Variants in C16orf96 observed in about 807,000 individuals in gnomAD.
The protein encoded by C16orf96 is chromosome 16 open reading frame 96.
A neutral mutation model predicts 103.6 loss-of-function variants in C16orf96; 108 were observed. The ratio of observed to expected loss-of-function variants is 1.04; its 90% CI spans 0.89 to 1.22. The LOEUF (loss-of-function observed/expected upper bound fraction) is 1.22, where lower values mean the gene tolerates loss of function less well. Among genes scored for constraint, C16orf96 ranks in the 50% most tolerant of loss-of-function variants. The probability of loss-of-function intolerance (pLI) is 0.00; values close to 1 mark genes in which losing one functional copy is unlikely to be tolerated. For synonymous variants in C16orf96, 566 were observed against 593.5 expected, an observed-to-expected ratio of 0.95 and a Z score of 0.67; for missense variants, 1,586 against 1,464.2, an observed-to-expected ratio of 1.08 and a Z score of -1.36.
intron 8 of C16orf96, 118 bp downstream of exon 8, chr16:4,587,231 AAC>A: frequency 9.9e-7 from 1 of 1,010,326 alleles, no homozygotes; most frequent in Non-Finnish European, 1.5e-6. Context: ...TTCATATTGA[AAC>A]CAGGAGTTGG....
chr16:4,556,536 C>T lies in C16orf96; in HGVS notation c.47C>T (p.Pro16Leu), dbSNP rs1370339051. Residue 16 changes from proline (P) to leucine (L), a missense_variant, in exon 1 of 16, where the codon CCA becomes CTA. Physicochemically the swap from Pro to Leu is moderately conservative, Grantham distance 98 (BLOSUM62 -3). Transcript: ENST00000444310. The part of the protein sequence containing the change: ...TFTELANIAI[P>L]QCGVLNFKAL... ...ACCGAGCTGGCCAACATCGCCATCC[C>T]ACAGTGCGGGGTGCTGAACTTCAAG... The T allele has an allele frequency of 1.9e-6, 3 of 1,544,836 alleles. No individual in the cohort carries two copies. In the South Asian group the frequency reaches 3.6e-5, roughly 18 times the overall value.
At chr16:4,596,597 G>A (rs1016518386) in intron 14 of C16orf96, among the ~76,000 whole-genome samples, 2 of 151,940 alleles carry the variant, frequency 1.3e-5, no homozygotes, top group Non-Finnish European at 2.9e-5. Context: ...CAGGAGGATC[G>A]CTTGAGCCCG....
chr16:4,546,438 G>T, the C16orf96 span, among the ~76,000 whole-genome samples: 1 of 150,650 alleles, frequency 6.6e-6, no homozygotes, highest in East Asian at 2.0e-4. Context: ...GATTACAGGC[G>T]GGAGCCACCG....
chr16:4,594,243 T>A (rs1897120696), intron 12 of C16orf96, 108 bp from the exon 13 acceptor site: 1 of 1,315,096 alleles, frequency 7.6e-7, no homozygotes, highest in Non-Finnish European at 1.0e-6. Context: ...AAACACAAGC[T>A]GAAAGAAATG....
At chr16:4,582,687 A>C (rs1487984213) in intron 7 of C16orf96, among the ~76,000 whole-genome samples, 1 of 152,100 alleles carries the variant, frequency 6.6e-6, no homozygotes, top group South Asian at 2.1e-4. Context: ...CCAGGCCACC[A>C]TGTCCTGGGG....
chr16:4,586,875 C>G (rs1047311920), intron 7 of C16orf96, among the ~76,000 whole-genome samples, 164 bp from the exon 8 acceptor site: 2 of 152,202 alleles, frequency 1.3e-5, no homozygotes, highest in Non-Finnish European at 2.9e-5. Context: ...ATCTGGGCAC[C>G]TGGAGCCCTT....
In C16orf96 at chr16:4,556,828, C is replaced by T; in HGVS notation, c.339C>T (p.Gly113=). 6.4e-7 allele frequency: 1 copy of T among 1,551,668 alleles called. No individual in the cohort carries two copies. Residue 113 remains glycine, a synonymous_variant, in exon 1 of 16, where the codon GGC becomes GGT. Transcript: ENST00000444310. ...STAQLLEASQ[G]TARPVQDLWH... ...CCCAGCTGCTGGAAGCCAGCCAGGG[C>T]ACTGCCCGGCCCGTCCAGGACCTGT... is the stretch of plus-strand genomic sequence containing the variant.
At chr16:4,590,142 G>T (rs1256519922) in intron 9 of C16orf96, among the ~76,000 whole-genome samples, 2 of 151,336 alleles carry the variant, frequency 1.3e-5, no homozygotes, top group Non-Finnish European at 2.9e-5. Context: ...ATACTCCCTC[G>T]GGTGGCACAG....
In C16orf96 at chr16:4,576,151, C is replaced by G; in HGVS notation, c.1671C>G (p.Pro557=). The change falls in exon 5 of 16, where the codon CCC becomes CCG. Residue 557 remains proline, a synonymous_variant. Transcript: ENST00000444310. ...GAPKEAQPKA[P]QSALHRLKTT... ...CCAAGGAAGCACAGCCTAAGGCTCC[C>G]CAGTCTGCCCTTCACCGGCTGAAAA... The G allele has an allele frequency of 6.4e-7, 1 of 1,551,312 alleles. No homozygotes were observed. Among genetic ancestry groups the G allele is most frequent in the Non-Finnish European group, 8.7e-7 (1 of 1,146,982 alleles).
chr16:4,546,011 G>A, the C16orf96 span, among the ~76,000 whole-genome samples: 23 of 149,168 alleles, frequency 1.5e-4, no homozygotes, highest in South Asian at 8.5e-4. Context: ...CACCATGCCC[G>A]GCTAATTTTT....
At chr16:4,568,531 C>T (rs957463548) in intron 1 of C16orf96, among the ~76,000 whole-genome samples, 1 of 151,456 alleles carries the variant, frequency 6.6e-6, no homozygotes, top group African/African-American at 2.4e-5. Context: ...GGGCTCAAGC[C>T]ATCCTTCCAC....
the C16orf96 span, among the ~76,000 whole-genome samples, chr16:4,540,026 T>C: frequency 1.6e-4 from 25 of 152,318 alleles, no homozygotes; most frequent in East Asian, 4.4e-3. Context: ...TAATGAAACT[T>C]TGGTCTCCCA....
chr16:4,578,974 A>G lies in C16orf96; in HGVS notation c.2190A>G (p.Thr730=). 6.4e-7 allele frequency: 1 copy of G among 1,551,456 alleles called. No homozygotes were observed. Among genetic ancestry groups the G allele is most frequent in the Non-Finnish European group, 8.7e-7 (1 of 1,146,910 alleles). The change falls in exon 6 of 16, where the codon ACA becomes ACG. Residue 730 remains threonine, a synonymous_variant. Coordinates refer to ENST00000444310, the MANE Select transcript of C16orf96 (RefSeq NM_001145011.2). ...NMGGPSSLGT[T]VDILQKKIGS... is the part of the protein sequence containing the mutation. ...GAGGTCCTTCCAGCCTCGGGACAACAGTGGACATATTGCAGAAAAAGATTG... is the reference window on the plus strand; with the variant it reads ...GAGGTCCTTCCAGCCTCGGGACAACGGTGGACATATTGCAGAAAAAGATTG...
At chr16:4,559,458 CG>C (rs1309146962) in intron 1 of C16orf96, among the ~76,000 whole-genome samples, 1 of 151,496 alleles carries the variant, frequency 6.6e-6, no homozygotes, top group Admixed American at 6.6e-5. Context: ...GGCTGAGGCA[CG>C]AGAATCGCTT....
chr16:4,584,073 C>G (rs920213042), intron 7 of C16orf96, among the ~76,000 whole-genome samples: 4 of 152,082 alleles, frequency 2.6e-5, no homozygotes, highest in African/African-American at 9.7e-5. Flanking sequence ...GTCTTAAGTC[C>G]GATAGCAATC....
At chr16:4,557,001 G>A (rs1010297115) in intron 1 of C16orf96, 92 bp downstream of exon 1, 35 of 1,357,198 alleles carry the variant, frequency 2.6e-5, no homozygotes, top group Admixed American at 1.7e-4. Context: ...ACTCCGTCTC[G>A]CTCTGTCACC....
At chr16:4,577,600 G>A (rs933048572) in intron 5 of C16orf96, among the ~76,000 whole-genome samples, 6 of 150,596 alleles carry the variant, frequency 4.0e-5, no homozygotes, top group Admixed American at 6.6e-5. Context: ...GCAGTGAGCC[G>A]AGATCGTGCC....
In C16orf96 at chr16:4,600,151, C is replaced by T. The variant is rs1235390764; in HGVS notation, c.3260C>T (p.Thr1087Met). The T allele has an allele frequency of 9.0e-6, 14 of 1,551,540 alleles. No homozygotes were observed. The highest frequency in any genetic ancestry group is 2.4e-5 in the South Asian group (2 of 84,074). ...ACSAASGPHL[T>M]MPARPPSLPP... Reference sequence around the variant, plus strand: ...TCAGCTGCCTCGGGCCCTCACCTGACGATGCCAGCTCGACCACCTTCCCTG... The same window carrying T: ...TCAGCTGCCTCGGGCCCTCACCTGATGATGCCAGCTCGACCACCTTCCCTG... The change falls in exon 16 of 16, where the codon ACG becomes ATG. Residue 1087 changes from threonine to methionine, a missense_variant. Thr to Met is a moderately conservative substitution (Grantham distance 81). Coordinates refer to ENST00000444310, the MANE Select transcript of C16orf96 (RefSeq NM_001145011.2).
chr16:4,591,209 AAAT>A (rs1386060877), intron 9 of C16orf96, among the ~76,000 whole-genome samples: 1 of 151,664 alleles, frequency 6.6e-6, no homozygotes, highest in Non-Finnish European at 1.5e-5. Context: ...ATAAAATTAA[AAAT>A]AAATAAATAA....
Sources: allele counts gnomAD v4.1 joint callset (sites outside exome capture counted in the v4.1 genomes callset), GRCh38; gene constraint gnomAD v4.1.1; transcripts MANE v1.5; gene names NCBI Gene and HGNC (gene_info 2026-07-23, HGNC 2026-07-21).